Variants in SLF1 observed in about 807,000 individuals in gnomAD.
The protein encoded by SLF1 is SMC5-SMC6 complex localization factor protein 1.
SLF1 carries 105 observed loss-of-function variants against 123.0 expected under a neutral mutation model. The observed-to-expected ratio is 0.85, with a 90% confidence interval of 0.73 to 1.00. The LOEUF is 1.00. Ranked by LOEUF, SLF1 falls within the 50% of genes least tolerant of loss-of-function variation. SLF1 has a pLI of 0.00. For synonymous variants in SLF1, 434 were observed against 406.6 expected, an observed-to-expected ratio of 1.07 and a Z score of -0.81; for missense variants, 1,239 against 1,223.0, an observed-to-expected ratio of 1.01 and a Z score of -0.20.
intron 9 of SLF1, among the ~76,000 whole-genome samples, chr5:94,661,164 T>C (rs572617790): frequency 6.6e-6 from 1 of 152,308 alleles, no homozygotes; most frequent in Non-Finnish European, 1.5e-5. Context: ...AATAATGCCA[T>C]TGAGTGGACT....
chr5:94,639,032 C>T (rs1390919886), intron 4 of SLF1, among the ~76,000 whole-genome samples: 110 of 118,924 alleles, frequency 9.2e-4, no homozygotes, highest in Middle Eastern at 4.3e-3. Context: ...CTTTTCTTTT[C>T]TTCCCTTTTT....
chr5:94,651,101 A>G (rs1486221851), intron 6 of SLF1, among the ~76,000 whole-genome samples: 1 of 152,190 alleles, frequency 6.6e-6, no homozygotes, highest in Non-Finnish European at 1.5e-5. Context: ...ATGTTTAGAT[A>G]CACTAATACT....
intron 15 of SLF1, among the ~76,000 whole-genome samples, chr5:94,682,892 C>A (rs1751977375): frequency 6.6e-6 from 1 of 152,162 alleles, no homozygotes; most frequent in South Asian, 2.1e-4. Flanking sequence ...GCTTTTTAGG[C>A]CCTACAGTCT....
At chr5:94,688,229 A>G (rs1286098858) in intron 16 of SLF1, among the ~76,000 whole-genome samples, 7 of 152,132 alleles carry the variant, frequency 4.6e-5, no homozygotes, top group Non-Finnish European at 1.0e-4. Context: ...GTTGGGCATA[A>G]GACTAATCAA....
chr5:94,630,746 A>G lies in SLF1; in HGVS notation c.431+3A>G, dbSNP rs1460354491. 1.9e-6 allele frequency: 3 copies of G among 1,546,176 alleles called. No individual in the cohort carries two copies. Among genetic ancestry groups the G allele is most frequent in the African/African-American group, 1.4e-5 (1 of 72,910 alleles). ...AAGCGAAGTGATTCTCTTATAAGGT[A>G]GGATGTGATTACATAAAAGCTAAAG... On this transcript the variant is annotated splice_donor_region_variant and intron_variant, in intron 4 of 20. Transcript: ENST00000265140.
At position 94,662,254 on chromosome 5, in the gene SLF1, C is replaced by G. The variant is rs944423122; in HGVS notation, c.1156-44C>G. 66 of 1,489,278 alleles carry G rather than the reference C, an allele frequency of 4.4e-5. No homozygotes were observed. The Admixed American group carries it at 1.4e-3, about 31-fold the overall frequency. 92.3% of individuals were successfully genotyped at this position (1,489,278 alleles called of 1,614,324 possible). On this transcript the variant is annotated intron_variant, in intron 9 of 20. Coordinates refer to ENST00000265140, the MANE Select transcript of SLF1 (RefSeq NM_032290.4). ...TTTGGGGAAGCTGAAATGTATTTTTCAATCTTAAAATGTTGTTTTAATTAT... is the reference window on the plus strand; with the variant it reads ...TTTGGGGAAGCTGAAATGTATTTTTGAATCTTAAAATGTTGTTTTAATTAT...
rs1241701816 is a variant in SLF1, at chr5:94,662,256, A to G, written c.1156-42A>G. On this transcript the variant is annotated intron_variant, in intron 9 of 20. Coordinates refer to ENST00000265140, the MANE Select transcript of SLF1 (RefSeq NM_032290.4). The stretch of plus-strand genomic sequence containing the variant: ...TGGGGAAGCTGAAATGTATTTTTCA[A>G]TCTTAAAATGTTGTTTTAATTATAT... 4.7e-6 allele frequency: 7 copies of G among 1,497,712 alleles called. No individual in the cohort carries two copies. In the Admixed American group the frequency reaches 6.3e-5, roughly 13 times the overall value. The allele number at this position is 1,497,712 out of a possible 1,614,324, so 92.8% of individuals were successfully genotyped here. A position where few individuals can be genotyped will look rare whatever the true frequency, so the allele number is the denominator to read the frequency against.
intron 11 of SLF1, among the ~76,000 whole-genome samples, chr5:94,665,268 C>T (rs1001910016): frequency 8.6e-5 from 13 of 151,584 alleles, no homozygotes; most frequent in African/African-American, 2.4e-4. Context: ...AACCTATGGA[C>T]GTGAAGGGTA....
chr5:94,625,997 G>C (rs902346247), intron 1 of SLF1, among the ~76,000 whole-genome samples: 5 of 152,010 alleles, frequency 3.3e-5, no homozygotes, highest in African/African-American at 1.2e-4. Flanking sequence ...GCTCACGCTT[G>C]TAATCCCAGC....
chr5:94,655,013 C>T (rs2152481130), intron 9 of SLF1, among the ~76,000 whole-genome samples: 1 of 152,306 alleles, frequency 6.6e-6, no homozygotes, highest in East Asian at 1.9e-4. Flanking sequence ...TCTTTGCCTA[C>T]ATCAATGCCC....
chr5:94,653,938 A>C (rs796576956), intron 8 of SLF1, among the ~76,000 whole-genome samples: 1 of 151,972 alleles, frequency 6.6e-6, no homozygotes. Flanking sequence ...TGGGAGGCCA[A>C]CGGGGCAGAT....
At chr5:94,656,575 C>T (rs941589477) in intron 9 of SLF1, among the ~76,000 whole-genome samples, 1 of 151,850 alleles carries the variant, frequency 6.6e-6, no homozygotes, top group Admixed American at 6.6e-5. Context: ...GTTGATAGTT[C>T]TTTATACATT....
At chr5:94,678,598 T>C (rs1751376506) in intron 14 of SLF1, 1 of 384,276 alleles carries the variant, frequency 2.6e-6, no homozygotes, top group East Asian at 4.1e-5. Context: ...TTGGAAAATT[T>C]GCTTTGTTAA....
chr5:94,619,021 G>T (rs945458238), intron 1 of SLF1, among the ~76,000 whole-genome samples: 1 of 152,112 alleles, frequency 6.6e-6, no homozygotes, highest in Non-Finnish European at 1.5e-5. Context: ...GCCGCTGCGG[G>T]GACTGCCACC....
In SLF1 at chr5:94,695,452, A is replaced by C. The variant is rs182346122; in HGVS notation, c.*140A>C. 1.8e-6 allele frequency: 2 copies of C among 1,089,854 alleles called. No homozygotes were observed. Among genetic ancestry groups the C allele is most frequent in the Non-Finnish European group, 2.4e-6 (2 of 818,120 alleles). 67.5% of individuals were successfully genotyped at this position (1,089,854 alleles called of 1,614,324 possible). On this transcript the variant is annotated 3_prime_UTR_variant, in exon 21 of 21. Coordinates refer to ENST00000265140, the MANE Select transcript of SLF1 (RefSeq NM_032290.4). ...TGCAGCCTTGCTAAATTTTAAAAGC[A>C]TTTTTAAAAAAACTTCTACAAAACT...
intron 15 of SLF1, among the ~76,000 whole-genome samples, chr5:94,684,241 G>T (rs772321250): frequency 4.6e-5 from 7 of 152,160 alleles, no homozygotes; most frequent in South Asian, 2.1e-4. Flanking sequence ...TGTGATGATA[G>T]ATAGGCTTTT....
chr5:94,656,284 A>T (rs1013480392), intron 9 of SLF1, among the ~76,000 whole-genome samples: 1 of 151,978 alleles, frequency 6.6e-6, no homozygotes, highest in African/African-American at 2.4e-5. Context: ...CTTGGGATAA[A>T]TCATAGTGTA....
chr5:94,635,307 G>A (rs1206710545), intron 4 of SLF1, among the ~76,000 whole-genome samples: 3 of 127,962 alleles, frequency 2.3e-5, no homozygotes, highest in Non-Finnish European at 3.2e-5. Flanking sequence ...CAGAGGTGAA[G>A]TTGGTCTCCC....
chr5:94,630,319 C>G (rs1745066126), intron 3 of SLF1, among the ~76,000 whole-genome samples, 184 bp from the exon 4 acceptor site: 1 of 152,126 alleles, frequency 6.6e-6, no homozygotes. Flanking sequence ...ATACAATGTT[C>G]AGTGATATTG....
Sources: gnomAD v4.1 joint callset for allele counts (sites outside exome capture counted in the v4.1 genomes callset) on GRCh38, gnomAD v4.1.1 for gene constraint, MANE v1.5 for transcripts, NCBI Gene and HGNC (gene_info 2026-07-23, HGNC 2026-07-21) for gene names.